The following TIAL1 variants were observed in gnomAD, a reference collection of about 807,000 sequenced individuals.
TIAL1 encodes the protein TIA1 cytotoxic granule associated RNA binding protein like 1.
A neutral mutation model predicts 59.7 loss-of-function variants in TIAL1; 7 were observed. The observed-to-expected ratio is 0.12, with a 90% CI of 0.07 to 0.22. The LOEUF (loss-of-function observed/expected upper bound fraction) is 0.22, where lower values mean the gene tolerates loss of function less well. Ranked by LOEUF, TIAL1 falls within the 10% of genes least tolerant of loss-of-function variation. The pLI is 1.00. For synonymous variants in TIAL1, 149 were observed against 146.3 expected, an observed-to-expected ratio of 1.02 and a Z score of -0.13; for missense variants, 225 against 462.5, an observed-to-expected ratio of 0.49 and a Z score of 4.71.
At chr10:119,585,257 T>G (rs1187615506) in intron 2 of TIAL1, among the ~76,000 whole-genome samples, 2 of 151,826 alleles carry the variant, frequency 1.3e-5, no homozygotes, top group African/African-American at 4.8e-5. Flanking sequence ...AGCCAGAAGT[T>G]CGGGACCATT....
At position 119,590,758 on chromosome 10, in the gene TIAL1, A is replaced by C. The variant is rs371654073; in HGVS notation, c.33-2510T>G. 2.1e-3 allele frequency among the ~76,000 whole-genome samples: 222 copies of C among 103,814 alleles called. 1 individual carries two copies. The highest frequency in any genetic ancestry group is 7.1e-3 in the African/African-American group (172 of 24,166). The allele number at this position is 103,814 out of a possible 152,430, so 68.1% of individuals were successfully genotyped here. A position where few individuals can be genotyped will look rare whatever the true frequency, so the allele number is the denominator to read the frequency against. ...AGAGAAAGAGAGAGAGACAGAGAGA[A>C]AGAGAGAAAGAAAGAAAGAAAGAAA... On this transcript the variant is annotated intron_variant, in intron 1 of 11. Transcript: ENST00000436547.
Position 119,574,597 on chromosome 10 carries a change from A to C in TIAL1, c.*1068T>G, listed in dbSNP as rs1338808827. The C allele has an allele frequency of 1.3e-5, 2 of 150,610 alleles. No homozygotes were observed. The highest frequency in any genetic ancestry group is 2.5e-5 in the African/African-American group (1 of 40,684). The allele number at this position is 150,610 out of a possible 1,614,324, so 9.3% of individuals were successfully genotyped here. A position where few individuals can be genotyped will look rare whatever the true frequency, so the allele number is the denominator to read the frequency against. ...CAAGTAATGTAAAGCAAAAAAAAAA[A>C]AAAAAAAAAACAAAAACAAAAAACT... On this transcript the variant is annotated 3_prime_UTR_variant, in exon 12 of 12. Transcript: ENST00000436547.
chr10:119,578,668 C>T, intron 7 of TIAL1, 58 bp downstream of exon 7: 1 of 1,376,118 alleles, frequency 7.3e-7, no homozygotes, highest in Non-Finnish European at 1.0e-6. Flanking sequence ...TAGATGAATA[C>T]ATGATACATG....
intron 2 of TIAL1, among the ~76,000 whole-genome samples, chr10:119,586,004 G>A (rs932353219): frequency 7.9e-5 from 12 of 152,048 alleles, no homozygotes; most frequent in African/African-American, 2.7e-4. Context: ...CAGACCTCAC[G>A]GCCTCTGTGC....
In TIAL1 at chr10:119,582,097, C is replaced by G; in HGVS notation, c.283+72G>C. On this transcript the variant is annotated intron_variant, in intron 4 of 11. Transcript: ENST00000436547. The surrounding 1 kb of genome is among the most constrained non-coding windows in gnomAD (Gnocchi z 5.1). ...CAACTCTAGAGGAGGAAAAAAAAACCTATTTAAGCTGGTAATGCCTCCTGG... is the reference window on the plus strand; with the variant it reads ...CAACTCTAGAGGAGGAAAAAAAAACGTATTTAAGCTGGTAATGCCTCCTGG... 2 of 1,594,104 alleles carry G rather than the reference C, an allele frequency of 1.3e-6. No individual in the cohort carries two copies. Among genetic ancestry groups the G allele is most frequent in the African/African-American group, 1.4e-5 (1 of 73,784 alleles).
intron 2 of TIAL1, among the ~76,000 whole-genome samples, chr10:119,586,257 A>C (rs1273355613): frequency 6.6e-6 from 1 of 152,184 alleles, no homozygotes; most frequent in Non-Finnish European, 1.5e-5. Context: ...TTAGCAAATA[A>C]ATAGCATTAC....
chr10:119,591,192 T>A (rs1474630572), intron 1 of TIAL1, among the ~76,000 whole-genome samples: 1 of 152,010 alleles, frequency 6.6e-6, no homozygotes, highest in Non-Finnish European at 1.5e-5. Flanking sequence ...TCACTTGAGG[T>A]CAGGAGTTCA....
chr10:119,590,525 C>T (rs1439964849), intron 1 of TIAL1, among the ~76,000 whole-genome samples: 1 of 152,056 alleles, frequency 6.6e-6, no homozygotes, highest in African/African-American at 2.4e-5. Context: ...GCCTGACCAA[C>T]ATGGTGAAAC....
At chr10:119,587,437 C>T (rs1405165213) in intron 2 of TIAL1, among the ~76,000 whole-genome samples, 1 of 152,232 alleles carries the variant, frequency 6.6e-6, no homozygotes, top group East Asian at 1.9e-4. Flanking sequence ...TAAGGCTGCA[C>T]TGGATACACA....
In TIAL1 at chr10:119,577,622, A is replaced by T; in HGVS notation, c.652+19T>A. 1 of 1,612,102 alleles carries T rather than the reference A, an allele frequency of 6.2e-7. No individual in the cohort carries two copies. Among genetic ancestry groups the T allele is most frequent in the Non-Finnish European group, 8.5e-7 (1 of 1,178,142 alleles). On this transcript the variant is annotated intron_variant, in intron 8 of 11. Transcript: ENST00000436547. ...GTGATGAAGCTCCTCAGAGGTGATT[A>T]GAAAACCAAACATTGTACCTGTTAA...
chr10:119,574,601 A>AAC lies in TIAL1; in HGVS notation c.*1063_*1064insGT, dbSNP rs1554862530. 6 of 150,366 alleles carry AAC rather than the reference A, an allele frequency of 4.0e-5. No individual in the cohort carries two copies. Among genetic ancestry groups the AAC allele is most frequent in the East Asian group, 1.9e-4 (1 of 5,172 alleles). 9.3% of individuals were successfully genotyped at this position (150,366 alleles called of 1,614,324 possible). A position where few individuals can be genotyped will look rare whatever the true frequency, so the allele number is the denominator to read the frequency against. On this transcript the variant is annotated 3_prime_UTR_variant, in exon 12 of 12. Transcript: ENST00000436547. The stretch of plus-strand genomic sequence containing the variant: ...TAATGTAAAGCAAAAAAAAAAAAAA[A>AAC]AAAAAACAAAAACAAAAAACTAATT...
chr10:119,578,915 T>G, intron 6 of TIAL1, 81 bp from the exon 7 acceptor site: 2 of 1,052,600 alleles, frequency 1.9e-6, no homozygotes, highest in Non-Finnish European at 2.9e-6. Context: ...ATATCGGCGC[T>G]GCTGGTTCCA....
At chr10:119,592,420 T>C (rs989747217) in intron 1 of TIAL1, 1 of 152,204 alleles carries the variant, frequency 6.6e-6, no homozygotes, top group South Asian at 2.1e-4. Context: ...CTACTTCCTG[T>C]GTCCGACTGG....
chr10:119,585,601 A>C (rs1464776306), intron 2 of TIAL1, among the ~76,000 whole-genome samples: 1 of 152,274 alleles, frequency 6.6e-6, no homozygotes, highest in East Asian at 1.9e-4. Flanking sequence ...ATGAAAATTC[A>C]TTTCGAGTCC....
At chr10:119,577,832 G>T (rs1449953498) in intron 7 of TIAL1, 96 bp from the exon 8 acceptor site, 4 of 1,097,532 alleles carry the variant, frequency 3.6e-6, no homozygotes, top group African/African-American at 3.1e-5. Flanking sequence ...GCCTCAGGCC[G>T]GGCACCCAGC....
intron 1 of TIAL1, among the ~76,000 whole-genome samples, chr10:119,594,336 G>C (rs1432113333): frequency 6.6e-6 from 1 of 152,134 alleles, no homozygotes; most frequent in Non-Finnish European, 1.5e-5. Flanking sequence ...ATGAAGGCAA[G>C]GCAGATGCAA....
intron 2 of TIAL1, among the ~76,000 whole-genome samples, chr10:119,587,625 G>C (rs377101001): frequency 2.8e-4 from 42 of 149,386 alleles, no homozygotes; most frequent in Admixed American, 6.7e-4. Context: ...ATAGGAAATA[G>C]TCCAAAAAAA....
intron 1 of TIAL1, among the ~76,000 whole-genome samples, chr10:119,595,667 T>G (rs1042290876): frequency 2.0e-5 from 3 of 152,152 alleles, no homozygotes; most frequent in Admixed American, 6.5e-5. Context: ...TTTAGCCAAC[T>G]CTGAAGCTTT....
intron 1 of TIAL1, chr10:119,592,378 T>G (rs147396967): frequency 6.6e-6 from 1 of 152,166 alleles, no homozygotes; most frequent in Non-Finnish European, 1.5e-5. Flanking sequence ...AACTTAGCAG[T>G]TTCACAGTAG....
Sources: gnomAD v4.1 joint callset for allele counts (sites outside exome capture counted in the v4.1 genomes callset) on GRCh38, gnomAD v4.1.1 for gene constraint, Gnocchi (gnomAD v3.1) non-coding constraint, MANE v1.5 for transcripts, NCBI Gene and HGNC (gene_info 2026-07-23, HGNC 2026-07-21) for gene names.